ADSL: variants seen among roughly 807,000 people sequenced by gnomAD.
ADSL encodes adenylosuccinate lyase.
ADSL carries 44 observed loss-of-function variants against 62.1 expected under a neutral mutation model. The observed-to-expected ratio is 0.71, with a 90% confidence interval of 0.56 to 0.91. The LOEUF (loss-of-function observed/expected upper bound fraction) is 0.91. Ranked by LOEUF, ADSL falls within the 40% of genes least tolerant of loss-of-function variation. The pLI, the probability that ADSL is intolerant of heterozygous loss-of-function variation, is 0.00. For missense variants in ADSL, 531 were observed against 627.4 expected, an observed-to-expected ratio of 0.85 and a Z score of 1.64; for synonymous variants, 198 against 220.5, an observed-to-expected ratio of 0.90 and a Z score of 0.90.
In ADSL at chr22:40,364,865, T is replaced by A; in HGVS notation, c.1192-15T>A. 1 of 1,614,122 alleles carries A rather than the reference T, an allele frequency of 6.2e-7. No individual in the cohort carries two copies. The highest frequency in any genetic ancestry group is 1.1e-5 in the South Asian group (1 of 91,084). ...CTGTTAGTAGGGAACTGACAATACT[T>A]CACTGTCTTCCCAGGATTGCCATGA... On this transcript the variant is annotated splice_polypyrimidine_tract_variant and intron_variant, in intron 11 of 12. Coordinates refer to ENST00000623063, the MANE Select transcript of ADSL (RefSeq NM_000026.4).
chr22:40,386,783 T>C (rs1215121521), intron 2 of ADSL, among the ~76,000 whole-genome samples: 1 of 152,030 alleles, frequency 6.6e-6, no homozygotes, highest in African/African-American at 2.4e-5. Context: ...AACTCTATAA[T>C]TCATGACTTT....
downstream of ADSL, among the ~76,000 whole-genome samples, chr22:40,370,841 C>T (rs981910043): frequency 1.3e-5 from 2 of 152,134 alleles, no homozygotes; most frequent in African/African-American, 4.8e-5. Flanking sequence ...GCCGGAGAGC[C>T]GCCGGGCCGA....
Position 40,360,492 on chromosome 22 carries a change from G to A in ADSL, c.792G>A (p.Lys264=). The A allele has an allele frequency of 4.3e-6, 7 of 1,613,384 alleles. No homozygotes were observed. Among genetic ancestry groups the A allele is most frequent in the Non-Finnish European group, 8.5e-7 (1 of 1,179,300 alleles). Residue 264 remains lysine, a splice_region_variant and synonymous_variant, in exon 7 of 13, where the codon AAG becomes AAA. Coordinates refer to ENST00000623063, the MANE Select transcript of ADSL (RefSeq NM_000026.4). ...CTAGCTTGGGGGCATCAGTGCACAAGGTGAGTGGTGGCAGCATGTGGGGTG... is the reference window on the plus strand; with the variant it reads ...CTAGCTTGGGGGCATCAGTGCACAAAGTGAGTGGTGGCAGCATGTGGGGTG... The part of the protein sequence containing the change: ...VLASLGASVH[K]ICTDIRLLAN...
Position 40,354,035 on chromosome 22 carries a change from C to G in ADSL, c.403-213C>G, listed in dbSNP as rs908011944. The G allele has an allele frequency of 1.2e-4, 73 of 607,230 alleles. No homozygotes were observed. In the East Asian group the frequency reaches 1.8e-3, roughly 15 times the overall value. The allele number at this position is 607,230 out of a possible 1,614,324, so 37.6% of individuals were successfully genotyped here. On this transcript the variant is annotated intron_variant, in intron 3 of 12. Coordinates refer to ENST00000623063, the MANE Select transcript of ADSL (RefSeq NM_000026.4). Reference sequence around the variant, plus strand: ...TTTCTGCCGTGGTCTTAAAATAGTTCATGACATTTTAGGTAGTCAACTCAG... The same window carrying G: ...TTTCTGCCGTGGTCTTAAAATAGTTGATGACATTTTAGGTAGTCAACTCAG...
chr22:40,359,302 A>C lies in ADSL; in HGVS notation c.697A>C (p.Lys233Gln). The C allele has an allele frequency of 6.2e-7, 1 of 1,614,110 alleles. No homozygotes were observed. Among genetic ancestry groups the C allele is most frequent in the Non-Finnish European group, 8.5e-7 (1 of 1,179,982 alleles). ...GATGGTGACAGAAAAGGCAGGATTT[A>C]AGAGGTAGGTAAATGGGAATGTGTT... ...DKMVTEKAGF[K>Q]RAFIITGQTY... The change falls in exon 6 of 13, where the codon AAG (lysine) becomes CAG (glutamine). Residue 233 changes from lysine to glutamine, a missense_variant. Coordinates refer to ENST00000623063, the MANE Select transcript of ADSL (RefSeq NM_000026.4).
intron 2 of ADSL, among the ~76,000 whole-genome samples, chr22:40,351,068 C>T (rs1284862267): frequency 6.6e-6 from 1 of 152,134 alleles, no homozygotes; most frequent in East Asian, 1.9e-4. Flanking sequence ...GAACATGGCT[C>T]ACTGCAGCCT....
At position 40,367,917 on chromosome 22, in the gene ADSL, G is replaced by A. The variant is rs191857992; in HGVS notation, c.*1395G>A. The A allele has an allele frequency of 1.3e-5, 2 of 152,350 alleles. No individual in the cohort carries two copies. The highest frequency in any genetic ancestry group is 4.8e-5 in the African/African-American group (2 of 41,584). 9.4% of individuals were successfully genotyped at this position (152,350 alleles called of 1,614,324 possible). A position where few individuals can be genotyped will look rare whatever the true frequency, so the allele number is the denominator to read the frequency against. On this transcript the variant is annotated 3_prime_UTR_variant, in exon 13 of 13. Coordinates refer to ENST00000623063, the MANE Select transcript of ADSL (RefSeq NM_000026.4). ...AACTCAGTATGCACCAGAACTGAGA[G>A]AAGACTGTTTTAGGAGGTGTTAATG...
intron 6 of ADSL, among the ~76,000 whole-genome samples, chr22:40,359,829 C>G (rs977027403): frequency 5.9e-5 from 9 of 152,194 alleles, no homozygotes; most frequent in Non-Finnish European, 1.2e-4. Context: ...CCATGCCTGA[C>G]CTGCATTCTC....
At position 40,365,053 on chromosome 22, in the gene ADSL, G is replaced by T. The variant is rs1011687452; in HGVS notation, c.1365G>T (p.Gln455His). The T allele has an allele frequency of 1.2e-6, 2 of 1,613,204 alleles. No individual in the cohort carries two copies. Among genetic ancestry groups the T allele is most frequent in the African/African-American group, 1.3e-5 (1 of 74,892 alleles). The change falls in exon 12 of 13, where the codon CAG (glutamine) becomes CAT (histidine). Residue 455 changes from glutamine (Q) to histidine (H), a missense_variant. Physicochemically the swap from Gln to His is conservative, Grantham distance 24 (BLOSUM62 0). This residue lies in a region of ADSL where 471 missense variants were observed against 592.9 expected (regional missense o/e 0.79). Coordinates refer to ENST00000623063, the MANE Select transcript of ADSL (RefSeq NM_000026.4). ...CTTCTTTCACTGGTCGTGCCTCCCAGCAGGTAAGCTTCCAAGAAGCCTCTT... is the reference window on the plus strand; with the variant it reads ...CTTCTTTCACTGGTCGTGCCTCCCATCAGGTAAGCTTCCAAGAAGCCTCTT... ...DPSSFTGRAS[Q>H]QVQRFLEEEV...
intron 2 of ADSL, among the ~76,000 whole-genome samples, chr22:40,380,639 A>G (rs1237844902): frequency 2.0e-5 from 3 of 152,142 alleles, no homozygotes; most frequent in East Asian, 3.9e-4. Flanking sequence ...TGCCCAGCCT[A>G]TAACTTTATA....
chr22:40,372,170 A>C (rs1453843518), downstream of ADSL, among the ~76,000 whole-genome samples: 1 of 98,250 alleles, frequency 1.0e-5, no homozygotes, highest in Non-Finnish European at 1.9e-5. Flanking sequence ...TCTGTTGCCC[A>C]GGCTGGAGTG....
chr22:40,375,274 C>G (rs542933649), intron 2 of ADSL, among the ~76,000 whole-genome samples: 1 of 152,228 alleles, frequency 6.6e-6, no homozygotes, highest in East Asian at 1.9e-4. Context: ...ACAAGAGTAA[C>G]TGATATCAGA....
chr22:40,377,020 A>C (rs1038865565), intron 2 of ADSL, among the ~76,000 whole-genome samples: 11 of 152,216 alleles, frequency 7.2e-5, no homozygotes, highest in African/African-American at 2.7e-4. Context: ...GTCATGCAGC[A>C]TGTGTGCAGA....
At chr22:40,364,842 G>A in intron 11 of ADSL, 38 bp from the exon 12 acceptor site, 3 of 1,609,638 alleles carry the variant, frequency 1.9e-6, no homozygotes, top group South Asian at 1.1e-5. Flanking sequence ...CAAACGCCCT[G>A]TTAGTAGGGA....
chr22:40,354,624 A>G (rs2044479384), intron 4 of ADSL, among the ~76,000 whole-genome samples: 1 of 152,162 alleles, frequency 6.6e-6, no homozygotes, highest in South Asian at 2.1e-4. Flanking sequence ...TAAACCCACC[A>G]TTTTGGGAGG....
intron 4 of ADSL, among the ~76,000 whole-genome samples, chr22:40,357,954 G>A (rs2146650712): frequency 6.6e-6 from 1 of 151,996 alleles, no homozygotes; most frequent in East Asian, 2.0e-4. Flanking sequence ...TGTATTTTTA[G>A]TAGAGACAGG....
intron 2 of ADSL, among the ~76,000 whole-genome samples, chr22:40,382,471 C>T (rs866536720): frequency 2.6e-5 from 4 of 152,092 alleles, no homozygotes; most frequent in East Asian, 1.9e-4. Flanking sequence ...GACTGTTGGC[C>T]GGAGCACCTA....
At chr22:40,353,018 T>G (rs2044407931) in intron 2 of ADSL, 55 bp from the exon 3 acceptor site, 1 of 1,508,082 alleles carries the variant, frequency 6.6e-7, no homozygotes, top group Non-Finnish European at 9.2e-7. Context: ...TGTTATGTAA[T>G]AATATTGTTT....
Position 40,346,564 on chromosome 22 carries a change from G to A in ADSL, c.6G>A (p.Ala2=), listed in dbSNP as rs1162982068. 3 of 1,603,768 alleles carry A rather than the reference G, an allele frequency of 1.9e-6. No individual in the cohort carries two copies. The highest frequency in any genetic ancestry group is 1.7e-6 in the Non-Finnish European group (2 of 1,176,708). The change falls in exon 1 of 13, where the codon GCG becomes GCA. Residue 2 remains alanine, a synonymous_variant. Transcript: ENST00000623063. The stretch of plus-strand genomic sequence containing the variant: ...GGCGGGGTCGCAGGGTTGGGATGGC[G>A]GCTGGAGGCGATCATGGTTCGCCCG... M[A]AGGDHGSPDS...
Sources: gnomAD v4.1 joint callset for allele counts (sites outside exome capture counted in the v4.1 genomes callset) on GRCh38, gnomAD v4.1.1 for gene constraint, gnomAD v4.1.1 regional missense constraint, MANE v1.5 for transcripts, NCBI Gene and HGNC (gene_info 2026-07-23, HGNC 2026-07-21) for gene names.